NETO1: variants seen among roughly 807,000 people sequenced by gnomAD.
The protein encoded by NETO1 is neuropilin and tolloid-like protein 1.
NETO1 carries 26 observed loss-of-function variants against 61.3 expected under a neutral mutation model. The observed-to-expected ratio is 0.42, with a 90% CI of 0.31 to 0.59. The LOEUF (loss-of-function observed/expected upper bound fraction) is 0.59, where lower values mean the gene tolerates loss of function less well. Among genes scored for constraint, NETO1 ranks in the 20% least tolerant of loss-of-function variants. The pLI, the probability that NETO1 is intolerant of heterozygous loss-of-function variation, is 0.12. For synonymous variants in NETO1, 225 were observed against 225.8 expected (o/e 1.00, Z 0.03); for missense variants, 531 against 662.8 (o/e 0.80, Z 2.18).
chr18:72,788,715 C>A (rs1263197130), intron 6 of NETO1, among the ~76,000 whole-genome samples: 1 of 152,070 alleles, frequency 6.6e-6, no homozygotes, highest in African/African-American at 2.4e-5. Flanking sequence ...TGGAAAACTT[C>A]AAAACATATA....
intron 6 of NETO1, among the ~76,000 whole-genome samples, chr18:72,790,922 T>G (rs1048932269): frequency 6.6e-6 from 1 of 152,198 alleles, no homozygotes; most frequent in African/African-American, 2.4e-5. Context: ...TACCATGATT[T>G]GGTCTCCCAT....
chr18:72,778,112 T>C (rs1257312012), intron 7 of NETO1, among the ~76,000 whole-genome samples: 4 of 152,202 alleles, frequency 2.6e-5, no homozygotes, highest in Non-Finnish European at 2.9e-5. Context: ...CAGTTTGAGA[T>C]ACGAGGTAGT....
At chr18:72,797,871 A>T (rs9962470) in intron 4 of NETO1, among the ~76,000 whole-genome samples, 1 of 152,094 alleles carries the variant, frequency 6.6e-6, no homozygotes, top group South Asian at 2.1e-4. Context: ...CTCTGCAATA[A>T]CTTTCTCCTG....
chr18:72,863,917 T>C (rs562841874), intron 3 of NETO1, among the ~76,000 whole-genome samples: 1 of 152,226 alleles, frequency 6.6e-6, no homozygotes, highest in African/African-American at 2.4e-5. Context: ...TTTTAAACGT[T>C]GTACTTAAGA....
chr18:72,785,357 A>G (rs2071878526), intron 6 of NETO1, among the ~76,000 whole-genome samples: 1 of 152,108 alleles, frequency 6.6e-6, no homozygotes, highest in African/African-American at 2.4e-5. Flanking sequence ...GTTCCTGTCA[A>G]TTTCACCTTC....
intron 4 of NETO1, among the ~76,000 whole-genome samples, chr18:72,811,608 A>C (rs1465470530): frequency 3.3e-5 from 5 of 152,172 alleles, no homozygotes; most frequent in Non-Finnish European, 2.9e-5. Context: ...GTTTGAGACC[A>C]GCCTAAGCAA....
intron 7 of NETO1, among the ~76,000 whole-genome samples, chr18:72,779,662 C>T (rs1314506536): frequency 3.3e-5 from 5 of 152,224 alleles, no homozygotes; most frequent in South Asian, 4.1e-4. Context: ...GACCCATGTA[C>T]GTCATCATAG....
chr18:72,752,576 C>T (rs2070657717), intron 8 of NETO1, among the ~76,000 whole-genome samples: 1 of 151,784 alleles, frequency 6.6e-6, no homozygotes, highest in South Asian at 2.1e-4. Context: ...ACTAATCTAA[C>T]ATGTGATTTT....
intron 6 of NETO1, among the ~76,000 whole-genome samples, chr18:72,785,498 C>A (rs116218217): frequency 0.011 from 1,605 of 152,258 alleles, 23 homozygotes; most frequent in African/African-American, 0.037. Context: ...CTAGTTTACT[C>A]CAGCCAAAGT....
intron 8 of NETO1, chr18:72,752,117 C>T (rs771333240): frequency 2.0e-5 from 3 of 152,058 alleles, no homozygotes; most frequent in East Asian, 1.9e-4. Flanking sequence ...AGCCATAAGA[C>T]GAACCTTAGA....
chr18:72,805,112 G>A (rs937051282), intron 4 of NETO1, among the ~76,000 whole-genome samples: 4 of 152,082 alleles, frequency 2.6e-5, no homozygotes, highest in Admixed American at 6.6e-5. Context: ...AAAATTTAAT[G>A]AGCTAACATG....
chr18:72,834,361 A>C (rs573947890), intron 4 of NETO1: 1 of 919,708 alleles, frequency 1.1e-6, no homozygotes, highest in Non-Finnish European at 1.3e-6. Context: ...GAGACATTAA[A>C]TAGGTAAAGG....
chr18:72,771,457 C>T (rs1210150471), intron 7 of NETO1, among the ~76,000 whole-genome samples: 1 of 152,124 alleles, frequency 6.6e-6, no homozygotes, highest in Non-Finnish European at 1.5e-5. Context: ...TGAGTTGAAT[C>T]TGAGTTAGTG....
At chr18:72,749,338 G>T (rs2070514019) in intron 9 of NETO1, among the ~76,000 whole-genome samples, 1 of 151,986 alleles carries the variant, frequency 6.6e-6, no homozygotes, top group Non-Finnish European at 1.5e-5. Context: ...AAGTTGACAA[G>T]ATTTTGGAAT....
chr18:72,802,433 C>T (rs2072539260), intron 4 of NETO1, among the ~76,000 whole-genome samples: 3 of 152,208 alleles, frequency 2.0e-5, no homozygotes, highest in Admixed American at 2.0e-4. Flanking sequence ...GACAAGAAGA[C>T]AGAGTTAATG....
chr18:72,814,182 G>T (rs968349672), intron 4 of NETO1, among the ~76,000 whole-genome samples: 7 of 152,046 alleles, frequency 4.6e-5, no homozygotes, highest in African/African-American at 1.7e-4. Flanking sequence ...AAGGAATAAA[G>T]AATAAGAAAT....
chr18:72,797,985 A>T (rs1037034716), intron 4 of NETO1, among the ~76,000 whole-genome samples: 1 of 152,158 alleles, frequency 6.6e-6, no homozygotes, highest in African/African-American at 2.4e-5. Flanking sequence ...CAACGTCCCT[A>T]ATTTTACCTC....
At chr18:72,751,748 A>T (rs2145084748) in intron 8 of NETO1, among the ~76,000 whole-genome samples, 1 of 152,322 alleles carries the variant, frequency 6.6e-6, no homozygotes, top group Non-Finnish European at 1.5e-5. Context: ...GCATAAACAG[A>T]CCTGTACCAC....
intron 9 of NETO1, 102 bp from the exon 10 acceptor site, chr18:72,749,190 G>A: frequency 3.9e-6 from 3 of 762,220 alleles, no homozygotes; most frequent in Non-Finnish European, 7.0e-6. Context: ...AGAAAACTGT[G>A]GAAATAGACT....
Sources: gnomAD v4.1 joint callset for allele counts (sites outside exome capture counted in the v4.1 genomes callset) on GRCh38, gnomAD v4.1.1 for gene constraint, MANE v1.5 for transcripts, NCBI Gene and HGNC (gene_info 2026-07-23, HGNC 2026-07-21) for gene names.